The following RUNDC3B variants were observed in gnomAD, a reference collection of about 807,000 sequenced individuals.
The protein encoded by RUNDC3B is RUN domain-containing protein 3B.
Under a neutral mutation model 58.4 loss-of-function variants are expected in RUNDC3B, and 33 were observed. The ratio of observed to expected loss-of-function variants is 0.56; its 90% CI spans 0.43 to 0.75. RUNDC3B has a LOEUF of 0.75. Ranked by LOEUF, RUNDC3B falls within the 30% of genes least tolerant of loss-of-function variation. The pLI is 0.00. For missense variants in RUNDC3B, 501 were observed against 535.7 expected (o/e 0.94, Z 0.64); for synonymous variants, 193 against 195.2 (o/e 0.99, Z 0.10).
At chr7:87,788,720 T>C (rs1480793212) in intron 8 of RUNDC3B, among the ~76,000 whole-genome samples, 2 of 140,770 alleles carry the variant, frequency 1.4e-5, no homozygotes, top group Non-Finnish European at 3.1e-5. Flanking sequence ...TTTTTTTTTT[T>C]CTTTTCTTTT....
At chr7:87,703,907 T>TTTG in intron 3 of RUNDC3B, among the ~76,000 whole-genome samples, 1 of 108,172 alleles carries the variant, frequency 9.2e-6, no homozygotes, top group African/African-American at 3.7e-5. Flanking sequence ...TTTTTTTTTT[T>TTTG]TTTTTGGTTT....
intron 4 of RUNDC3B, among the ~76,000 whole-genome samples, chr7:87,721,920 T>A (rs1251352440): frequency 6.6e-6 from 1 of 152,056 alleles, no homozygotes; most frequent in Non-Finnish European, 1.5e-5. Flanking sequence ...TTATTATTTC[T>A]GTAAAATGTT....
rs1006494108 is a variant in RUNDC3B, at chr7:87,820,073, C to T, written c.1225+3811C>T. Among the ~76,000 whole-genome samples the T allele has an allele frequency of 2.3e-4, 35 of 152,064 alleles. 1 individual carries two copies. The highest frequency in any genetic ancestry group is 3.8e-4 in the Non-Finnish European group (26 of 68,016). On this transcript the variant is annotated intron_variant, in intron 10 of 10. Coordinates refer to ENST00000394654, the MANE Select transcript of RUNDC3B (RefSeq NM_001134405.2). ...TGAAGGAAATAGAGACACAAAAAAC[C>T]CTTCAAAAAATTAATGAATCCAGGA...
At chr7:87,696,326 AT>A (rs1266015716) in intron 2 of RUNDC3B, among the ~76,000 whole-genome samples, 1 of 152,106 alleles carries the variant, frequency 6.6e-6, no homozygotes, top group African/African-American at 2.4e-5. Flanking sequence ...TTCAATATTT[AT>A]TTTTAAAGGC....
intron 2 of RUNDC3B, among the ~76,000 whole-genome samples, chr7:87,675,085 G>A (rs1167102786): frequency 6.6e-6 from 1 of 152,232 alleles, no homozygotes; most frequent in Non-Finnish European, 1.5e-5. Flanking sequence ...AGTCTGTGGT[G>A]AGAGCGGGCC....
At chr7:87,803,095 G>T (rs1014991561) in intron 8 of RUNDC3B, among the ~76,000 whole-genome samples, 1 of 152,126 alleles carries the variant, frequency 6.6e-6, no homozygotes, top group Non-Finnish European at 1.5e-5. Flanking sequence ...ACATAGTTAT[G>T]AATTATATAT....
chr7:87,721,932 C>A (rs931243585), intron 4 of RUNDC3B, among the ~76,000 whole-genome samples: 1 of 151,656 alleles, frequency 6.6e-6, no homozygotes, highest in Non-Finnish European at 1.5e-5. Flanking sequence ...TAAAATGTTA[C>A]CTTTATTTGC....
intron 8 of RUNDC3B, among the ~76,000 whole-genome samples, chr7:87,789,068 T>C (rs1835386652): frequency 6.6e-6 from 1 of 152,180 alleles, no homozygotes; most frequent in Admixed American, 6.5e-5. Flanking sequence ...CATCTAGAGG[T>C]ACAGACTGTC....
chr7:87,689,001 C>T (rs772969780), intron 2 of RUNDC3B, among the ~76,000 whole-genome samples: 7 of 151,932 alleles, frequency 4.6e-5, no homozygotes, highest in Non-Finnish European at 1.0e-4. Context: ...TGGTTCTAAA[C>T]TTTAGTACAC....
intron 6 of RUNDC3B, among the ~76,000 whole-genome samples, chr7:87,758,021 T>A (rs1041143211): frequency 6.6e-6 from 1 of 152,162 alleles, no homozygotes; most frequent in African/African-American, 2.4e-5. Flanking sequence ...CATTAAAGAC[T>A]TAAATTTAAG....
intron 2 of RUNDC3B, among the ~76,000 whole-genome samples, chr7:87,692,156 C>A (rs1278737394): frequency 6.6e-6 from 1 of 151,976 alleles, no homozygotes; most frequent in Non-Finnish European, 1.5e-5. Flanking sequence ...AAAAAAATAA[C>A]CAACATTATC....
intron 4 of RUNDC3B, among the ~76,000 whole-genome samples, chr7:87,735,460 A>T (rs1831870502): frequency 2.0e-5 from 3 of 152,094 alleles, no homozygotes; most frequent in Admixed American, 6.5e-5. Context: ...CATTGAAATG[A>T]TTTCTTATTA....
intron 4 of RUNDC3B, among the ~76,000 whole-genome samples, chr7:87,730,087 A>G (rs1337614527): frequency 5.9e-5 from 9 of 152,200 alleles, no homozygotes; most frequent in Non-Finnish European, 2.9e-5. Flanking sequence ...GTACCCAGGC[A>G]GTTCTCACCA....
At chr7:87,788,270 A>T (rs1835329833) in intron 8 of RUNDC3B, among the ~76,000 whole-genome samples, 1 of 152,170 alleles carries the variant, frequency 6.6e-6, no homozygotes, top group Admixed American at 6.5e-5. Flanking sequence ...CAAAATACGA[A>T]AAATTAGTTG....
intron 6 of RUNDC3B, among the ~76,000 whole-genome samples, chr7:87,757,258 A>G (rs1168395179): frequency 6.6e-6 from 1 of 152,094 alleles, no homozygotes; most frequent in Non-Finnish European, 1.5e-5. Context: ...TACTATAGTT[A>G]TGCTTGATTT....
intron 5 of RUNDC3B, among the ~76,000 whole-genome samples, chr7:87,741,222 A>C (rs547538883): frequency 2.3e-4 from 35 of 152,114 alleles, no homozygotes; most frequent in East Asian, 7.7e-4. Context: ...AAGAAAAAAA[A>C]AAACAAACAA....
At chr7:87,728,329 A>G (rs1831370588) in intron 4 of RUNDC3B, among the ~76,000 whole-genome samples, 1 of 152,134 alleles carries the variant, frequency 6.6e-6, no homozygotes, top group Non-Finnish European at 1.5e-5. Context: ...CAAGTTTTGC[A>G]TTTTTCAGAT....
At chr7:87,658,586 G>A (rs752466750) in intron 2 of RUNDC3B, among the ~76,000 whole-genome samples, 2 of 152,086 alleles carry the variant, frequency 1.3e-5, no homozygotes, top group Non-Finnish European at 2.9e-5. Context: ...CCAAAGGCAC[G>A]ATAATTAAAC....
At position 87,830,266 on chromosome 7, in the gene RUNDC3B, TAA is replaced by T. The variant is rs985325439; in HGVS notation, c.*248_*249del. On this transcript the variant is annotated 3_prime_UTR_variant, in exon 11 of 11. Transcript: ENST00000394654. ...AGAAAGTTCAAAATGGAATAGGCTT[TAA>T]AAAAAAAAAAACTTTCAAAGATCCG... 833 of 226,818 alleles carry T rather than the reference TAA, an allele frequency of 3.7e-3. 6 individuals are homozygous for T. Among genetic ancestry groups the T allele is most frequent in the African/African-American group, 0.017 (736 of 42,092 alleles). 14.1% of individuals were successfully genotyped at this position (226,818 alleles called of 1,614,324 possible).
Sources: gnomAD v4.1 joint callset for allele counts (sites outside exome capture counted in the v4.1 genomes callset) on GRCh38, gnomAD v4.1.1 for gene constraint, MANE v1.5 for transcripts, NCBI Gene and HGNC (gene_info 2026-07-23, HGNC 2026-07-21) for gene names.